DPYSL2: variants seen among roughly 807,000 people sequenced by gnomAD.
The protein encoded by DPYSL2 is dihydropyrimidinase like 2, also known as dihydropyrimidinase-related protein 2.
DPYSL2 carries 13 observed loss-of-function variants against 69.9 expected under a neutral mutation model. The ratio of observed to expected loss-of-function variants is 0.19; its 90% CI spans 0.12 to 0.30. The LOEUF (loss-of-function observed/expected upper bound fraction) is 0.30. Among genes scored for constraint, DPYSL2 ranks in the 10% least tolerant of loss-of-function variants. DPYSL2 has a pLI of 1.00. For missense variants in DPYSL2, 587 were observed against 918.9 expected, an observed-to-expected ratio of 0.64 and a Z score of 4.67; for synonymous variants, 326 against 359.1, an observed-to-expected ratio of 0.91 and a Z score of 1.04.
Position 26,626,778 on chromosome 8 carries a change from C to A in DPYSL2, c.855+100C>A. The A allele has an allele frequency of 7.9e-7, 1 of 1,268,450 alleles. No individual in the cohort carries two copies. The highest frequency in any genetic ancestry group is 1.1e-6 in the Non-Finnish European group (1 of 888,336). 78.6% of individuals were successfully genotyped at this position (1,268,450 alleles called of 1,614,324 possible). On this transcript the variant is annotated intron_variant, in intron 5 of 13. Coordinates refer to ENST00000521913, the MANE Select transcript of DPYSL2 (RefSeq NM_001197293.3). The surrounding 1 kb of genome is among the most constrained non-coding windows in gnomAD (Gnocchi z 4.3). ...TCTCCGATGTATGCATGTTTCCTAG[C>A]TTCCTGGGAAGTGGCTGGTGGATGC...
chr8:26,554,044 C>G (rs1036392389), intron 1 of DPYSL2, among the ~76,000 whole-genome samples: 5 of 151,970 alleles, frequency 3.3e-5, no homozygotes, highest in Admixed American at 2.0e-4. Flanking sequence ...TGCCCCCCAC[C>G]ACACCCAGCT....
intron 1 of DPYSL2, chr8:26,548,114 C>G (rs12548421): frequency 0.22 from 47,280 of 219,626 alleles, 6,167 homozygotes; most frequent in East Asian, 0.34. Flanking sequence ...GGATATCACT[C>G]CGGGAGAAGG....
At chr8:26,616,842 AG>A (rs1425242385) in intron 3 of DPYSL2, among the ~76,000 whole-genome samples, 2 of 151,908 alleles carry the variant, frequency 1.3e-5, no homozygotes, top group African/African-American at 4.8e-5. Context: ...GTGGGATCAC[AG>A]GCTGAGTGAA....
Position 26,567,797 on chromosome 8 carries a change from T to C in DPYSL2, c.355-14172T>C, listed in dbSNP as rs576161912. On this transcript the variant is annotated intron_variant, in intron 1 of 13. Coordinates refer to ENST00000521913, the MANE Select transcript of DPYSL2 (RefSeq NM_001197293.3). ...TGCGAAGATGGTGCCCCCGGTGAGG[T>C]AGTGGCCTTAGATGGGGAGAAGAAG... 8.5e-5 allele frequency among the ~76,000 whole-genome samples: 13 copies of C among 152,298 alleles called. No homozygotes were observed. The South Asian group carries it at 2.7e-3, about 32-fold the overall frequency.
intron 1 of DPYSL2, chr8:26,578,496 C>T: frequency 7.0e-7 from 1 of 1,436,464 alleles, no homozygotes; most frequent in Non-Finnish European, 9.1e-7. Context: ...GTTTGCAAGG[C>T]ATTAAACAGG....
chr8:26,639,504 A>G (rs1446577559), intron 8 of DPYSL2, among the ~76,000 whole-genome samples: 1 of 152,164 alleles, frequency 6.6e-6, no homozygotes, highest in Non-Finnish European at 1.5e-5. Context: ...ATGAGATCCT[A>G]CTTCTGGTTT....
At chr8:26,628,098 C>G in intron 7 of DPYSL2, among the ~76,000 whole-genome samples, 158 bp downstream of exon 7, 1 of 152,196 alleles carries the variant, frequency 6.6e-6, no homozygotes, top group East Asian at 1.9e-4. Context: ...TGTCTGTCTA[C>G]GCAGGCAAAG....
intron 7 of DPYSL2, among the ~76,000 whole-genome samples, chr8:26,630,977 GAGAAA>G (rs1180391266): frequency 6.6e-6 from 1 of 152,188 alleles, no homozygotes; most frequent in African/African-American, 2.4e-5. Flanking sequence ...GATGTCCTCT[GAGAAA>G]AGCAAATGCC....
chr8:26,526,936 G>C (rs1465619559), intron 1 of DPYSL2, among the ~76,000 whole-genome samples: 2 of 152,240 alleles, frequency 1.3e-5, no homozygotes, highest in African/African-American at 4.8e-5. Context: ...ACAATCCTAT[G>C]ACTGGGCATC....
chr8:26,566,707 G>A (rs1255483876), intron 1 of DPYSL2, among the ~76,000 whole-genome samples: 2 of 152,162 alleles, frequency 1.3e-5, no homozygotes, highest in Non-Finnish European at 2.9e-5. Context: ...GACAGGACCT[G>A]GTTGTAAATT....
intron 1 of DPYSL2, among the ~76,000 whole-genome samples, chr8:26,518,556 T>G (rs999490282): frequency 1.3e-5 from 2 of 152,194 alleles, no homozygotes; most frequent in Non-Finnish European, 2.9e-5. Context: ...CCAGAACTTT[T>G]TCATCCCCCA....
chr8:26,582,081 G>C lies in DPYSL2; in HGVS notation c.443+24G>C. On this transcript the variant is annotated intron_variant, in intron 2 of 13. Transcript: ENST00000521913. The surrounding 1 kb of genome is among the most constrained non-coding windows in gnomAD (Gnocchi z 4.1). ...AAGTAAGTGTAACTCATGATATACA[G>C]ATGTATTTGAACACTTTCCAGACTT... 1 of 1,580,758 alleles carries C rather than the reference G, an allele frequency of 6.3e-7. No individual in the cohort carries two copies. Among genetic ancestry groups the C allele is most frequent in the Non-Finnish European group, 8.7e-7 (1 of 1,150,990 alleles).
intron 1 of DPYSL2, among the ~76,000 whole-genome samples, chr8:26,566,324 A>T (rs544532092): frequency 1.3e-5 from 2 of 152,274 alleles, no homozygotes; most frequent in South Asian, 2.1e-4. Context: ...CAAAAAAATC[A>T]CGGGATCCCC....
Position 26,643,724 on chromosome 8 carries a change from G to A in DPYSL2, c.1283+129G>A. ...GGGAGACCCTTGTTCACCAAACTAG[G>A]TTGGCTACATGAGTACAGGGAATTG... On this transcript the variant is annotated intron_variant, in intron 9 of 13. Coordinates refer to ENST00000521913, the MANE Select transcript of DPYSL2 (RefSeq NM_001197293.3). This position sits in a 1 kb window ranked among gnomAD's most constrained non-coding sequence, Gnocchi z 6.5. The A allele has an allele frequency of 1.4e-6, 2 of 1,398,568 alleles. No individual in the cohort carries two copies. The highest frequency in any genetic ancestry group is 2.4e-5 in the East Asian group (1 of 42,510). The allele number at this position is 1,398,568 out of a possible 1,614,324, so 86.6% of individuals were successfully genotyped here. A position where few individuals can be genotyped will look rare whatever the true frequency, so the allele number is the denominator to read the frequency against.
rs1867042 is a variant in DPYSL2, at chr8:26,635,044, C to T, written c.1126+144C>T. On this transcript the variant is annotated intron_variant, in intron 8 of 13. Coordinates refer to ENST00000521913, the MANE Select transcript of DPYSL2 (RefSeq NM_001197293.3). ...GTTCTGGCATTAACCTAATTACAGC[C>T]GGGCAAGGCAGGAGCTCCAGTTTCC... The T allele has an allele frequency of 6.5e-6, 8 of 1,240,144 alleles. No homozygotes were observed. The South Asian group carries it at 1.1e-4, about 17-fold the overall frequency. 76.8% of individuals were successfully genotyped at this position (1,240,144 alleles called of 1,614,324 possible). A position where few individuals can be genotyped will look rare whatever the true frequency, so the allele number is the denominator to read the frequency against.
At chr8:26,649,757 C>T (rs1013948009) in intron 11 of DPYSL2, among the ~76,000 whole-genome samples, 1 of 152,078 alleles carries the variant, frequency 6.6e-6, no homozygotes, top group African/African-American at 2.4e-5. Flanking sequence ...GCATCTGGCC[C>T]GATGAGTAAT....
chr8:26,647,481 A>T lies in DPYSL2; in HGVS notation c.1426-149A>T, dbSNP rs147451514. 2.9e-5 allele frequency: 23 copies of T among 799,532 alleles called. No individual in the cohort carries two copies. The highest frequency in any genetic ancestry group is 4.2e-5 in the Non-Finnish European group (21 of 499,672). 49.5% of individuals were successfully genotyped at this position (799,532 alleles called of 1,614,324 possible). On this transcript the variant is annotated intron_variant, in intron 10 of 13. Coordinates refer to ENST00000521913, the MANE Select transcript of DPYSL2 (RefSeq NM_001197293.3). The surrounding 1 kb of genome is among the most constrained non-coding windows in gnomAD (Gnocchi z 5.1). ...TAGAAATGGAGTCATACAGTGTGTG[A>T]CCTTTGAGACGGTTTGTGTTTCACT...
rs1803067418 is a variant in DPYSL2, at chr8:26,642,259, C to A, written c.1127-1180C>A. ...CAGGTGGAAAGTCAAAAATTCAGAA[C>A]TGGGCAATGACTGGAGGGGAGGATG... On this transcript the variant is annotated intron_variant, in intron 8 of 13. Coordinates refer to ENST00000521913, the MANE Select transcript of DPYSL2 (RefSeq NM_001197293.3). The surrounding 1 kb of genome is among the most constrained non-coding windows in gnomAD (Gnocchi z 5.3). Among the ~76,000 whole-genome samples, 1 of 152,152 alleles carries A rather than the reference C, an allele frequency of 6.6e-6. No homozygotes were observed. The highest frequency in any genetic ancestry group is 1.9e-4 in the East Asian group (1 of 5,200).
In DPYSL2 at chr8:26,522,912, T is replaced by C. The variant is rs1222925310; in HGVS notation, c.354+8233T>C. On this transcript the variant is annotated intron_variant, in intron 1 of 13. Coordinates refer to ENST00000521913, the MANE Select transcript of DPYSL2 (RefSeq NM_001197293.3). The stretch of plus-strand genomic sequence containing the variant: ...GGTATTATACTATCCCCGGCTGTTC[T>C]TAAAAACTGCTGGATCATCTGAAAT... 2.6e-5 allele frequency among the ~76,000 whole-genome samples: 4 copies of C among 152,118 alleles called. No homozygotes were observed. The South Asian group carries it at 6.2e-4, about 24-fold the overall frequency.
Sources: allele counts gnomAD v4.1 joint callset (sites outside exome capture counted in the v4.1 genomes callset), GRCh38; gene constraint gnomAD v4.1.1; non-coding constraint Gnocchi (gnomAD v3.1); transcripts MANE v1.5; gene names NCBI Gene and HGNC (gene_info 2026-07-23, HGNC 2026-07-21).